SPATA31C2: variants seen among roughly 807,000 people sequenced by gnomAD.
SPATA31C2 encodes the protein spermatogenesis-associated protein 31C2.
Under a neutral mutation model 11.4 loss-of-function variants are expected in SPATA31C2, and 5 were observed. The observed-to-expected ratio is 0.44, with a 90% CI of 0.23 to 0.92. SPATA31C2 has a LOEUF of 0.92. SPATA31C2 is among the 40% of genes least tolerant of loss of function. The pLI is 0.24. For synonymous variants in SPATA31C2, 515 were observed against 538.7 expected, an observed-to-expected ratio of 0.96 and a Z score of 0.61; for missense variants, 1,353 against 1,368.6, an observed-to-expected ratio of 0.99 and a Z score of 0.18.
intron 1 of SPATA31C2, 99 bp downstream of exon 1, chr9:88,138,158 TC>T (rs1396277597): frequency 3.3e-6 from 1 of 300,612 alleles, no homozygotes; most frequent in Non-Finnish European, 5.6e-6. Flanking sequence ...TCCTGAGACT[TC>T]CCATCGCAGA....
Position 88,132,343 on chromosome 9 carries a change from G to T in SPATA31C2, c.694C>A (p.Pro232Thr), listed in dbSNP as rs751911384. ...AGAGTGGAGTCCCGCAGGGGAGGAG[G>T]AGTGAAGCCTTTCGGAGGAGGCGGA... ...CSPPPPKGFT[P>T]PPLRDSTLLT... The change falls in exon 4 of 4, where the codon CCT becomes ACT. Residue 232 changes from proline to threonine, a missense_variant. By Grantham distance (38) the Pro-to-Thr change is conservative. This residue lies in a region of SPATA31C2 where 1,075 missense variants were observed against 992.8 expected (regional missense o/e 1.08). Transcript: ENST00000324915. 2 of 1,610,928 alleles carry T rather than the reference G, an allele frequency of 1.2e-6. No homozygotes were observed. Among genetic ancestry groups the T allele is most frequent in the Admixed American group, 1.7e-5 (1 of 59,842 alleles).
In SPATA31C2 at chr9:88,129,766, C is replaced by T; in HGVS notation, c.3271G>A (p.Gly1091Arg). The T allele has an allele frequency of 6.2e-7, 1 of 1,604,058 alleles. No homozygotes were observed. The highest frequency in any genetic ancestry group is 2.2e-5 in the East Asian group (1 of 44,534). The change falls in exon 4 of 4, where the codon GGG becomes AGG. Residue 1091 changes from glycine (G) to arginine (R), a missense_variant. By Grantham distance (125) the Gly-to-Arg change is moderately radical. This residue lies in a region of SPATA31C2 where 187 missense variants were observed against 205.8 expected (regional missense o/e 0.91). Transcript: ENST00000324915. ...QRQQFQAPVC[G>R]FPCNHRHPFY... Reference sequence around the variant, plus strand: ...GGGTGTCTGTGGTTGCAGGGAAACCCACAGACTGGGGCTTGAAACTGCTGT... The same window carrying T: ...GGGTGTCTGTGGTTGCAGGGAAACCTACAGACTGGGGCTTGAAACTGCTGT...
intron 1 of SPATA31C2, 36 bp from the exon 2 acceptor site, chr9:88,133,705 C>T (rs1825639898): frequency 6.5e-7 from 1 of 1,538,810 alleles, no homozygotes; most frequent in Admixed American, 1.7e-5. Context: ...CTAGGACCGG[C>T]TCTCCCTCTC....
Position 88,130,779 on chromosome 9 carries a change from T to C in SPATA31C2, c.2258A>G (p.Asp753Gly). Residue 753 changes from aspartate (D) to glycine (G), a missense_variant, in exon 4 of 4, where the codon GAT (aspartate) becomes GGT (glycine). Around this residue, in one of 6 missense-constraint regions of SPATA31C2, gnomAD observed 1,075 missense variants for 992.8 expected, o/e 1.08. Coordinates refer to ENST00000324915, the MANE Select transcript of SPATA31C2 (RefSeq NM_001350978.3). ...TGTAGGAGCCTTCAAGGACCCATGA[T>C]CATTCGAAGATGGGATCCCTCGCGG... ...RAPRGIPSSN[D>G]HGSLKAPTAG... is the part of the protein sequence containing the mutation. 6.2e-7 allele frequency: 1 copy of C among 1,613,128 alleles called. No homozygotes were observed. Among genetic ancestry groups the C allele is most frequent in the Non-Finnish European group, 8.5e-7 (1 of 1,179,876 alleles).
Position 88,131,987 on chromosome 9 carries a change from C to G in SPATA31C2, c.1050G>C (p.Gln350His). The G allele has an allele frequency of 6.2e-7, 1 of 1,611,082 alleles. No individual in the cohort carries two copies. Among genetic ancestry groups the G allele is most frequent in the South Asian group, 1.1e-5 (1 of 91,034 alleles). ...TPQFWPTPMA[Q>H]AEAQAHLQSS... ...ATTGAAGATGGGCCTGAGCCTCGGC[C>G]TGAGCCATAGGTGTGGGCCAGAATT... Residue 350 changes from glutamine (Q) to histidine (H), a missense_variant, in exon 4 of 4, where the codon CAG becomes CAC. Coordinates refer to ENST00000324915, the MANE Select transcript of SPATA31C2 (RefSeq NM_001350978.3).
chr9:88,137,298 T>C (rs574247795), intron 1 of SPATA31C2, among the ~76,000 whole-genome samples: 1 of 147,140 alleles, frequency 6.8e-6, no homozygotes, highest in African/African-American at 2.5e-5. Context: ...GACAAAACAA[T>C]AACCTCAATC....
Position 88,129,981 on chromosome 9 carries a change from G to C in SPATA31C2, c.3056C>G (p.Thr1019Arg). 2 of 1,604,128 alleles carry C rather than the reference G, an allele frequency of 1.2e-6. No individual in the cohort carries two copies. Among genetic ancestry groups the C allele is most frequent in the Non-Finnish European group, 1.7e-6 (2 of 1,176,304 alleles). Residue 1019 changes from threonine to arginine, a missense_variant, in exon 4 of 4, where the codon ACG becomes AGG. Around this residue, in one of 6 missense-constraint regions of SPATA31C2, gnomAD observed 187 missense variants for 205.8 expected, o/e 0.91. Coordinates refer to ENST00000324915, the MANE Select transcript of SPATA31C2 (RefSeq NM_001350978.3). Reference protein sequence around the residue: ...FGENIKQFFQTIFSKKERKPA... With the variant: ...FGENIKQFFQRIFSKKERKPA... ...CTTCCTTTCTTTCTTTGAAAAAATC[G>C]TCTGAAAAAATTGCTTGATGTTTTC... is the stretch of plus-strand genomic sequence containing the variant.
At position 88,132,097 on chromosome 9, in the gene SPATA31C2, T is replaced by C. The variant is rs574187452; in HGVS notation, c.940A>G (p.Thr314Ala). 10 of 1,610,682 alleles carry C rather than the reference T, an allele frequency of 6.2e-6. No individual in the cohort carries two copies. The highest frequency in any genetic ancestry group is 2.7e-5 in the African/African-American group (2 of 74,962). ...QQDHLSRQRD[T>A]TMSPLLFQAQ... Reference sequence around the variant, plus strand: ...TGGAAAAGCAGTGGGGACATTGTAGTGTCCCTTTGGCGGGAAAGATGATCT... The same window carrying C: ...TGGAAAAGCAGTGGGGACATTGTAGCGTCCCTTTGGCGGGAAAGATGATCT... The change falls in exon 4 of 4, where the codon ACT becomes GCT. Residue 314 changes from threonine (T) to alanine (A), a missense_variant. Physicochemically the swap from Thr to Ala is moderately conservative, Grantham distance 58. Coordinates refer to ENST00000324915, the MANE Select transcript of SPATA31C2 (RefSeq NM_001350978.3).
At chr9:88,138,037 C>T (rs1483217383) in intron 1 of SPATA31C2, among the ~76,000 whole-genome samples, 2 of 93,572 alleles carry the variant, frequency 2.1e-5, no homozygotes, top group Non-Finnish European at 3.7e-5. Context: ...ATGCCTCCTG[C>T]GCTCCCCCAC....
At chr9:88,137,990 T>TCTCATGACCAGAGA (rs1587691644) in intron 1 of SPATA31C2, among the ~76,000 whole-genome samples, 2 of 103,244 alleles carry the variant, frequency 1.9e-5, no homozygotes, top group East Asian at 2.1e-3. Flanking sequence ...TCATGACCGG[T>TCTCATGACCAGAGA]CCTGGCCGCT....
chr9:88,133,775 C>G, intron 1 of SPATA31C2, 106 bp from the exon 2 acceptor site: 1 of 1,382,422 alleles, frequency 7.2e-7, no homozygotes, highest in East Asian at 3.0e-5. Flanking sequence ...GTCTGTCTTG[C>G]TCAGGGAGCT....
rs767877419 is a variant in SPATA31C2, at chr9:88,132,405, G to C, written c.632C>G (p.Pro211Arg). The C allele has an allele frequency of 6.2e-7, 1 of 1,611,236 alleles. No homozygotes were observed. Among genetic ancestry groups the C allele is most frequent in the South Asian group, 1.1e-5 (1 of 91,002 alleles). Residue 211 changes from proline to arginine, a missense_variant, in exon 4 of 4, where the codon CCT becomes CGT. Pro to Arg is a moderately radical substitution (Grantham distance 103). This residue lies in a region of SPATA31C2 where 1,075 missense variants were observed against 992.8 expected (regional missense o/e 1.08). Transcript: ENST00000324915. ...HPSPEPPALF[P>R]HPPRTPDPLA... ...AGGATCAGGAGTGCGTGGTGGGTGA[G>C]GGAAAAGTGCAGGTGGCTCGGGTGA...
At position 88,129,668 on chromosome 9, in the gene SPATA31C2, ACT is replaced by A. The variant is rs758681428; in HGVS notation, c.3367_3368del (p.Arg1124SerfsTer21). 5.0e-6 allele frequency: 8 copies of A among 1,603,272 alleles called. No homozygotes were observed. The highest frequency in any genetic ancestry group is 6.0e-6 in the Non-Finnish European group (7 of 1,173,200). ...TGATTTGTCTGTCTCTGTTGGGACGACTCTGGTTCTTGAGAGTGGCTTGTTGA... is the reference window on the plus strand; with the variant it reads ...TGATTTGTCTGTCTCTGTTGGGACGACTGGTTCTTGAGAGTGGCTTGTTGA... The part of the protein sequence containing the change: ...SSQQATLKNQ[S>X]RPNRDRQIRD... On this transcript the variant is annotated frameshift_variant, in exon 4 of 4. Coordinates refer to ENST00000324915, the MANE Select transcript of SPATA31C2 (RefSeq NM_001350978.3). LOFTEE classifies it low-confidence loss of function (END_TRUNC).
In SPATA31C2 at chr9:88,130,755, G is replaced by C. The variant is rs756748423; in HGVS notation, c.2282C>G (p.Thr761Arg). The C allele has an allele frequency of 1.4e-5, 23 of 1,613,274 alleles. No individual in the cohort carries two copies. Among genetic ancestry groups the C allele is most frequent in the Non-Finnish European group, 1.9e-5 (22 of 1,179,882 alleles). ...SNDHGSLKAP[T>R]AGQEGRWPSK... ...TGGCCACCTGCCCTCCTGTCCAGCT[G>C]TAGGAGCCTTCAAGGACCCATGATC... Residue 761 changes from threonine to arginine, a missense_variant, in exon 4 of 4, where the codon ACA becomes AGA. Physicochemically the swap from Thr to Arg is moderately conservative, Grantham distance 71. This residue lies in a region of SPATA31C2 where 1,075 missense variants were observed against 992.8 expected (regional missense o/e 1.08). Transcript: ENST00000324915.
In SPATA31C2 at chr9:88,129,740, C is replaced by T. The variant is rs372717598; in HGVS notation, c.3297G>A (p.Pro1099=). Residue 1099 remains proline (P), a synonymous_variant, in exon 4 of 4, where the codon CCG becomes CCA. Transcript: ENST00000324915. ...VCGFPCNHRH[P]FYSEHSRMLS... ...GCATTCTGCTGTGTTCTGAGTAGAA[C>T]GGGTGTCTGTGGTTGCAGGGAAACC... 26 of 1,603,552 alleles carry T rather than the reference C, an allele frequency of 1.6e-5. No individual in the cohort carries two copies. The highest frequency in any genetic ancestry group is 6.7e-5 in the African/African-American group (5 of 74,624).
rs748128794 is a variant in SPATA31C2, at chr9:88,131,791, C to A, written c.1246G>T (p.Val416Phe). 1 of 1,611,624 alleles carries A rather than the reference C, an allele frequency of 6.2e-7. No individual in the cohort carries two copies. The highest frequency in any genetic ancestry group is 2.2e-5 in the East Asian group (1 of 44,860). ...LEGGLALPSR[V>F]QKSQDVFSVS... ...CTAAAGACGTCCTGAGATTTTTGGA[C>A]CCTAGAGGGTAAAGCCAACCCACCT... The change falls in exon 4 of 4, where the codon GTC (valine) becomes TTC (phenylalanine). Residue 416 changes from valine to phenylalanine, a missense_variant. Transcript: ENST00000324915.
chr9:88,133,060 G>A, intron 2 of SPATA31C2, 34 bp from the exon 3 acceptor site: 1 of 1,304,748 alleles, frequency 7.7e-7, no homozygotes. Flanking sequence ...CAGTGAGGGA[G>A]GGGCTTGGGA....
intron 1 of SPATA31C2, 63 bp from the exon 2 acceptor site, chr9:88,133,732 G>A (rs1407809791): frequency 6.6e-6 from 10 of 1,504,324 alleles, no homozygotes; most frequent in Admixed American, 5.4e-5. Flanking sequence ...CAGCCCAGCC[G>A]CAGCACGCTG....
Position 88,131,779 on chromosome 9 carries a change from G to A in SPATA31C2, c.1258C>T (p.Gln420Ter). 1 of 1,611,786 alleles carries A rather than the reference G, an allele frequency of 6.2e-7. No individual in the cohort carries two copies. Among genetic ancestry groups the A allele is most frequent in the Non-Finnish European group, 8.5e-7 (1 of 1,179,714 alleles). ...LALPSRVQKS[Q>*]DVFSVSTPNL... ...GGAGTGGAGACACTAAAGACGTCCT[G>A]AGATTTTTGGACCCTAGAGGGTAAA... Residue 420 changes from glutamine (Q) to a stop codon, truncating the protein, a stop_gained, in exon 4 of 4, where the codon CAG becomes TAG. Coordinates refer to ENST00000324915, the MANE Select transcript of SPATA31C2 (RefSeq NM_001350978.3). LOFTEE classifies it low-confidence loss of function (END_TRUNC).
Sources: allele counts gnomAD v4.1 joint callset (sites outside exome capture counted in the v4.1 genomes callset), GRCh38; gene constraint gnomAD v4.1.1; regional missense constraint gnomAD v4.1.1; transcripts MANE v1.5; gene names NCBI Gene and HGNC (gene_info 2026-07-23, HGNC 2026-07-21).